Variants in NYAP2 observed in about 807,000 individuals in gnomAD.
The protein encoded by NYAP2 is neuronal tyrosine-phosphorylated phosphoinositide-3-kinase adapter 2.
Under a neutral mutation model 50.4 loss-of-function variants are expected in NYAP2, and 23 were observed. The observed-to-expected ratio is 0.46, with a 90% CI of 0.33 to 0.65. NYAP2 has a LOEUF of 0.65. Among genes scored for constraint, NYAP2 ranks in the 30% least tolerant of loss-of-function variants. The probability of loss-of-function intolerance (pLI) is 0.02; values close to 1 mark genes in which losing one functional copy is unlikely to be tolerated. For missense variants in NYAP2, 885 were observed against 861.0 expected, an observed-to-expected ratio of 1.03 and a Z score of -0.35; for synonymous variants, 394 against 365.2, an observed-to-expected ratio of 1.08 and a Z score of -0.90.
chr2:225,648,146 A>T (rs1488418979), intron 6 of NYAP2, among the ~76,000 whole-genome samples: 1 of 152,092 alleles, frequency 6.6e-6, no homozygotes, highest in Admixed American at 6.6e-5. Context: ...GATTACAGGC[A>T]TCCGCCACCA....
chr2:225,606,202 G>T (rs1017639898), intron 5 of NYAP2, among the ~76,000 whole-genome samples: 1 of 152,092 alleles, frequency 6.6e-6, no homozygotes, highest in African/African-American at 2.4e-5. Context: ...GTACCCAGGG[G>T]CTCATAACCC....
At chr2:225,658,893 A>G (rs76111450), downstream of NYAP2, among the ~76,000 whole-genome samples, 3,393 of 152,334 alleles carry the variant, frequency 0.022, 140 homozygotes, top group African/African-American at 0.077. Context: ...CATATTATTT[A>G]GCCATTGCGT....
intron 3 of NYAP2, among the ~76,000 whole-genome samples, chr2:225,512,681 G>T (rs1405910120): frequency 2.3e-5 from 3 of 131,538 alleles, no homozygotes; most frequent in Non-Finnish European, 4.8e-5. Flanking sequence ...TGCTTGTCTT[G>T]CTTTGCTTGT....
intron 5 of NYAP2, among the ~76,000 whole-genome samples, chr2:225,600,594 T>C (rs1421147977): frequency 1.3e-5 from 2 of 152,190 alleles, no homozygotes; most frequent in African/African-American, 4.8e-5. Flanking sequence ...CAAGATGTAG[T>C]TGGTTAGGTC....
chr2:225,692,291 T>A, the NYAP2 span, among the ~76,000 whole-genome samples: 1 of 152,306 alleles, frequency 6.6e-6, no homozygotes, highest in Non-Finnish European at 1.5e-5. Flanking sequence ...TTATGATTTA[T>A]CTACTTTGGA....
intron 3 of NYAP2, among the ~76,000 whole-genome samples, chr2:225,463,957 G>C (rs2106155382): frequency 6.6e-6 from 1 of 152,286 alleles, no homozygotes; most frequent in East Asian, 1.9e-4. Context: ...ATTACAGCTA[G>C]AATGCAACAA....
intron 4 of NYAP2, among the ~76,000 whole-genome samples, chr2:225,531,227 C>T (rs879943524): frequency 4.6e-5 from 7 of 152,182 alleles, no homozygotes; most frequent in Admixed American, 4.6e-4. Context: ...ACTCAGACTA[C>T]CTAGTTTACT....
At chr2:225,683,019 C>A in the NYAP2 span, among the ~76,000 whole-genome samples, 2 of 150,264 alleles carry the variant, frequency 1.3e-5, no homozygotes, top group African/African-American at 2.5e-5. Flanking sequence ...TTCCCCCCCC[C>A]ATTCTGTTCT....
intron 4 of NYAP2, among the ~76,000 whole-genome samples, chr2:225,546,473 G>T (rs1473499209): frequency 6.6e-6 from 1 of 151,980 alleles, no homozygotes; most frequent in African/African-American, 2.4e-5. Context: ...CACAACCACA[G>T]ATCCACATGG....
At chr2:225,606,136 T>C (rs1559228052) in intron 5 of NYAP2, among the ~76,000 whole-genome samples, 1 of 152,014 alleles carries the variant, frequency 6.6e-6, no homozygotes, top group Non-Finnish European at 1.5e-5. Context: ...GTTAAGCAAA[T>C]AGAGGAAAGT....
intron 3 of NYAP2, among the ~76,000 whole-genome samples, chr2:225,469,309 A>G (rs1689975389): frequency 1.3e-5 from 2 of 152,248 alleles, no homozygotes; most frequent in South Asian, 4.1e-4. Context: ...CAAAACCACA[A>G]TGAGATACCA....
intron 6 of NYAP2, among the ~76,000 whole-genome samples, chr2:225,629,397 T>C (rs903207140): frequency 1.2e-4 from 18 of 152,184 alleles, no homozygotes; most frequent in African/African-American, 4.3e-4. Flanking sequence ...CCCTCACATA[T>C]ACACCCAGAA....
At chr2:225,618,699 T>C (rs1237270192) in intron 5 of NYAP2, among the ~76,000 whole-genome samples, 1 of 151,972 alleles carries the variant, frequency 6.6e-6, no homozygotes, top group Non-Finnish European at 1.5e-5. Context: ...TTAAAATAGG[T>C]AATGGAAAAG....
intron 3 of NYAP2, among the ~76,000 whole-genome samples, chr2:225,468,842 A>C (rs1053955945): frequency 2.0e-5 from 3 of 152,352 alleles, no homozygotes; most frequent in African/African-American, 7.2e-5. Context: ...GATTCTGTGT[A>C]ACCTGTAAAG....
the NYAP2 span, chr2:225,703,482 T>C: frequency 1.3e-5 from 2 of 151,746 alleles, no homozygotes; most frequent in Non-Finnish European, 2.9e-5. Context: ...TTTTTGTACT[T>C]GATTTTTTTA....
At position 225,582,076 on chromosome 2, in the gene NYAP2, C is replaced by T. The variant is rs1313066722; in HGVS notation, c.659C>T (p.Thr220Met). ...ATCAAAAAGCATGGGCCCCGGAGGA[C>T]GTCGCTGCCGCGGGACTCCTCCTTG... Residue 220 changes from threonine (T) to methionine (M), a missense_variant, in exon 5 of 7, where the codon ACG (threonine) becomes ATG (methionine). Transcript: ENST00000636099. This position sits in a 1 kb window ranked among gnomAD's most constrained non-coding sequence, Gnocchi z 7.0. 3 of 1,613,894 alleles carry T rather than the reference C, an allele frequency of 1.9e-6. No individual in the cohort carries two copies. The highest frequency in any genetic ancestry group is 2.5e-6 in the Non-Finnish European group (3 of 1,179,908).
chr2:225,482,566 G>A (rs1335164656), intron 3 of NYAP2, among the ~76,000 whole-genome samples: 4 of 152,084 alleles, frequency 2.6e-5, no homozygotes, highest in Non-Finnish European at 5.9e-5. Flanking sequence ...GGGGTTTCCC[G>A]AAGGCTTCTG....
intron 4 of NYAP2, among the ~76,000 whole-genome samples, chr2:225,535,352 A>G (rs1248911165): frequency 6.6e-6 from 1 of 152,184 alleles, no homozygotes; most frequent in Non-Finnish European, 1.5e-5. Flanking sequence ...GTGAGATGCA[A>G]TCAATTGATA....
intron 4 of NYAP2, among the ~76,000 whole-genome samples, chr2:225,560,472 G>A (rs969901338): frequency 1.3e-5 from 2 of 152,074 alleles, no homozygotes; most frequent in Non-Finnish European, 2.9e-5. Flanking sequence ...AGGACATTGA[G>A]CTTTTCAAAG....
Sources: gnomAD v4.1 joint callset for allele counts (sites outside exome capture counted in the v4.1 genomes callset) on GRCh38, gnomAD v4.1.1 for gene constraint, Gnocchi (gnomAD v3.1) non-coding constraint, MANE v1.5 for transcripts, NCBI Gene and HGNC (gene_info 2026-07-23, HGNC 2026-07-21) for gene names.